NALCN: variants seen among roughly 807,000 people sequenced by gnomAD.
NALCN encodes sodium leak channel, non-selective.
Under a neutral mutation model 225.3 loss-of-function variants are expected in NALCN, and 111 were observed. The ratio of observed to expected loss-of-function variants is 0.49; its 90% CI spans 0.42 to 0.58. The LOEUF (loss-of-function observed/expected upper bound fraction) is 0.58, where lower values mean the gene tolerates loss of function less well. Among genes scored for constraint, NALCN ranks in the 20% least tolerant of loss-of-function variants. The pLI, the probability that NALCN is intolerant of heterozygous loss-of-function variation, is 0.00. For synonymous variants in NALCN, 764 were observed against 769.0 expected (o/e 0.99, Z 0.11); for missense variants, 1,378 against 2,202.4 (o/e 0.63, Z 7.49).
chr13:101,276,665 A>G (rs139673167), intron 10 of NALCN, among the ~76,000 whole-genome samples: 1 of 152,318 alleles, frequency 6.6e-6, no homozygotes, highest in Non-Finnish European at 1.5e-5. Flanking sequence ...TGTGGTTTCA[A>G]ACTGCAGACA....
At chr13:101,231,135 T>C (rs148762791) in intron 12 of NALCN, among the ~76,000 whole-genome samples, 4 of 152,198 alleles carry the variant, frequency 2.6e-5, no homozygotes, top group South Asian at 4.1e-4. Context: ...GACAACAAAA[T>C]TGCCTAACAA....
At chr13:101,269,193 GAA>G (rs1265067952) in intron 10 of NALCN, among the ~76,000 whole-genome samples, 1 of 130,190 alleles carries the variant, frequency 7.7e-6, no homozygotes, top group Admixed American at 8.5e-5. Flanking sequence ...TTGGTGTCCA[GAA>G]AGAGTAGAAA....
chr13:101,098,498 A>C lies in NALCN; in HGVS notation c.3162+2286T>G, dbSNP rs75574633. Among the ~76,000 whole-genome samples, 1,513 of 152,230 alleles carry C rather than the reference A, an allele frequency of 9.9e-3. 27 individuals carry two copies. Among genetic ancestry groups the C allele is most frequent in the African/African-American group, 0.033 (1,390 of 41,528 alleles). On this transcript the variant is annotated intron_variant, in intron 27 of 43. Coordinates refer to ENST00000251127, the MANE Select transcript of NALCN (RefSeq NM_052867.4). ...ACAAAGTCCTAGGCTCCATATCTAT[A>C]TCTATATTGATCTCATGACATCTGT... is the stretch of plus-strand genomic sequence containing the variant.
intron 9 of NALCN, among the ~76,000 whole-genome samples, chr13:101,286,198 C>CTTGCGGG (rs746488594): frequency 2.1e-4 from 32 of 152,290 alleles, no homozygotes; most frequent in Admixed American, 3.9e-4. Flanking sequence ...CTCAGAGACT[C>CTTGCGGG]AAATCCTTGC....
chr13:101,330,764 C>G (rs772682425), intron 7 of NALCN, among the ~76,000 whole-genome samples: 1 of 152,096 alleles, frequency 6.6e-6, no homozygotes, highest in African/African-American at 2.4e-5. Context: ...ATCATGGGGG[C>G]GAGTCTTTCC....
intron 13 of NALCN, among the ~76,000 whole-genome samples, chr13:101,212,405 C>A (rs2040558517): frequency 6.6e-6 from 1 of 152,128 alleles, no homozygotes; most frequent in South Asian, 2.1e-4. Context: ...GCATATGTCA[C>A]CTTTGGCTTA....
chr13:101,341,374 T>C (rs945233932), intron 7 of NALCN, among the ~76,000 whole-genome samples: 22 of 152,226 alleles, frequency 1.4e-4, no homozygotes, highest in Non-Finnish European at 2.2e-4. Context: ...CATATTGACA[T>C]GAAGTTTCAG....
chr13:101,191,938 G>C lies in NALCN; in HGVS notation c.1743C>G (p.Leu581=), dbSNP rs1447767997. The change falls in exon 14 of 44, where the codon CTC becomes CTG. Residue 581 remains leucine (L), a synonymous_variant. Coordinates refer to ENST00000251127, the MANE Select transcript of NALCN (RefSeq NM_052867.4). The part of the protein sequence containing the change: ...WAPVVAIYFI[L]YHLFATLILL... ...TCACCAGAGTGGCAAAAAGATGATA[G>C]AGAATGAAATAGATGGCAACCACGG... 1.2e-6 allele frequency: 2 copies of C among 1,609,878 alleles called. No individual in the cohort carries two copies. Among genetic ancestry groups the C allele is most frequent in the South Asian group, 1.1e-5 (1 of 90,630 alleles).
intron 15 of NALCN, among the ~76,000 whole-genome samples, chr13:101,174,023 T>C (rs922405720): frequency 1.3e-5 from 2 of 152,074 alleles, no homozygotes; most frequent in African/African-American, 4.8e-5. Context: ...GCATAAAAAA[T>C]GACACCGTTG....
At chr13:101,087,422 G>A (rs570204665) in intron 30 of NALCN, among the ~76,000 whole-genome samples, 1 of 150,490 alleles carries the variant, frequency 6.6e-6, no homozygotes, top group African/African-American at 2.4e-5. Context: ...AAATACATCT[G>A]TTGAATGATT....
intron 3 of NALCN, among the ~76,000 whole-genome samples, chr13:101,385,680 C>T (rs944499778): frequency 6.6e-6 from 1 of 152,132 alleles, no homozygotes; most frequent in Non-Finnish European, 1.5e-5. Context: ...GCATTGTTTA[C>T]CTACTTAACT....
chr13:101,079,393 T>C (rs2033477147), intron 34 of NALCN, among the ~76,000 whole-genome samples: 1 of 152,206 alleles, frequency 6.6e-6, no homozygotes, highest in East Asian at 1.9e-4. Flanking sequence ...CCAAATCTTG[T>C]ACTATGCTAG....
At chr13:101,183,979 A>G (rs749580657) in intron 14 of NALCN, among the ~76,000 whole-genome samples, 2 of 152,200 alleles carry the variant, frequency 1.3e-5, no homozygotes, top group African/African-American at 2.4e-5. Flanking sequence ...GGCACTTTTA[A>G]CAGGTCTATA....
At chr13:101,091,662 C>T (rs2034242429) in intron 28 of NALCN, among the ~76,000 whole-genome samples, 1 of 152,132 alleles carries the variant, frequency 6.6e-6, no homozygotes, top group South Asian at 2.1e-4. Flanking sequence ...ATATATTTTA[C>T]AGTAGACAGA....
At chr13:101,212,725 A>G (rs1464149776) in intron 13 of NALCN, among the ~76,000 whole-genome samples, 1 of 152,128 alleles carries the variant, frequency 6.6e-6, no homozygotes, top group Non-Finnish European at 1.5e-5. Context: ...CAATGCAAAC[A>G]AAGGCAAAAG....
intron 10 of NALCN, among the ~76,000 whole-genome samples, chr13:101,264,435 C>T (rs1427770375): frequency 6.6e-6 from 1 of 151,926 alleles, no homozygotes; most frequent in Admixed American, 6.6e-5. Context: ...AGAGTCTATA[C>T]TAGATTAATC....
intron 32 of NALCN, 67 bp from the exon 33 acceptor site, chr13:101,082,950 C>G (rs1484038457): frequency 4.9e-5 from 78 of 1,593,284 alleles, no homozygotes; most frequent in Non-Finnish European, 6.6e-5. Context: ...TGCCCCTCTT[C>G]TGCCCACTTT....
chr13:101,104,358 T>G lies in NALCN; in HGVS notation c.2826A>C (p.Leu942Phe), dbSNP rs2034986699. ...TGATGACAGCAGTTGGAGTGAAAAA[T>G]AAGCCATCTGCCATAATCTTCAGAT... Reference protein sequence around the residue: ...ELNLKIMADGLFFTPTAVIRD... With the variant: ...ELNLKIMADGFFFTPTAVIRD... Residue 942 changes from leucine to phenylalanine, a missense_variant, in exon 25 of 44, where the codon TTA (leucine) becomes TTC (phenylalanine). By Grantham distance (22) the Leu-to-Phe change is conservative. Transcript: ENST00000251127. The surrounding 1 kb of genome is among the most constrained non-coding windows in gnomAD (Gnocchi z 4.2). The G allele has an allele frequency of 1.8e-5, 29 of 1,613,816 alleles. No homozygotes were observed. The highest frequency in any genetic ancestry group is 2.5e-5 in the Non-Finnish European group (29 of 1,179,828).
In NALCN at chr13:101,245,885, G is replaced by A. The variant is rs571637516; in HGVS notation, c.1267-7963C>T. Among the ~76,000 whole-genome samples, 4 of 152,268 alleles carry A rather than the reference G, an allele frequency of 2.6e-5. No individual in the cohort carries two copies. The South Asian group carries it at 6.2e-4, about 24-fold the overall frequency. On this transcript the variant is annotated intron_variant, in intron 11 of 43. Coordinates refer to ENST00000251127, the MANE Select transcript of NALCN (RefSeq NM_052867.4). ...CCCAACCAGACACTTGCCTAGGAAT[G>A]TAACTTCGTAACTTCACCTCAGCCT...
Sources: gnomAD v4.1 joint callset for allele counts (sites outside exome capture counted in the v4.1 genomes callset) on GRCh38, gnomAD v4.1.1 for gene constraint, Gnocchi (gnomAD v3.1) non-coding constraint, MANE v1.5 for transcripts, NCBI Gene and HGNC (gene_info 2026-07-23, HGNC 2026-07-21) for gene names.